AFG1L: variants seen among roughly 807,000 people sequenced by gnomAD.
AFG1L encodes AFG1-like ATPase.
In AFG1L, 53 loss-of-function variants were observed where a neutral mutation model predicts 62.2. The observed-to-expected ratio is 0.85, with a 90% CI of 0.68 to 1.07. The LOEUF is 1.07. Ranked by LOEUF, AFG1L falls within the 50% of genes least tolerant of loss-of-function variation. AFG1L has a pLI of 0.00. For synonymous variants in AFG1L, 228 were observed against 210.3 expected (o/e 1.08, Z -0.73); for missense variants, 555 against 590.5 (o/e 0.94, Z 0.62).
At position 108,402,056 on chromosome 6, in the gene AFG1L, TA is replaced by T; in HGVS notation, c.807+7del. On this transcript the variant is annotated splice_donor_region_variant and intron_variant, in intron 7 of 12. Transcript: ENST00000368977. ...GTACCATTCATAGCAGTCTTGAAGG[TA>T]AAAACAAATCATTTATTTGTGTTTA... 1 of 1,456,178 alleles carries T rather than the reference TA, an allele frequency of 6.9e-7. No homozygotes were observed. The highest frequency in any genetic ancestry group is 9.3e-7 in the Non-Finnish European group (1 of 1,079,792). The allele number at this position is 1,456,178 out of a possible 1,614,324, so 90.2% of individuals were successfully genotyped here.
intron 7 of AFG1L, among the ~76,000 whole-genome samples, chr6:108,418,243 AAATCTGGCC>A (rs1249840985): frequency 2.0e-5 from 3 of 152,218 alleles, no homozygotes; most frequent in African/African-American, 7.2e-5. Flanking sequence ...GCCAGTGGCC[AAATCTGGCC>A]TGCTGCCTGT....
At chr6:108,338,166 A>C (rs1448785877) in intron 2 of AFG1L, among the ~76,000 whole-genome samples, 7 of 152,202 alleles carry the variant, frequency 4.6e-5, no homozygotes, top group African/African-American at 1.7e-4. Context: ...AGCCTGGGTA[A>C]CAGAGCGACA....
At chr6:108,367,474 T>C (rs1181108539) in intron 6 of AFG1L, among the ~76,000 whole-genome samples, 1 of 152,006 alleles carries the variant, frequency 6.6e-6, no homozygotes, top group Non-Finnish European at 1.5e-5. Flanking sequence ...GGATGTACTA[T>C]ATAGGCAGAG....
intron 10 of AFG1L, among the ~76,000 whole-genome samples, chr6:108,487,082 T>A (rs1159428270): frequency 3.3e-5 from 5 of 152,222 alleles, no homozygotes; most frequent in Admixed American, 2.0e-4. Flanking sequence ...CAGTAAGAAG[T>A]TTCTCTCAAA....
intron 7 of AFG1L, 82 bp from the exon 8 acceptor site, chr6:108,447,132 T>A (rs916341895): frequency 3.6e-5 from 21 of 580,460 alleles, no homozygotes; most frequent in East Asian, 1.5e-4. Flanking sequence ...TGAAAAATTT[T>A]AAAAATGTAT....
At chr6:108,412,737 G>A (rs969476965) in intron 7 of AFG1L, among the ~76,000 whole-genome samples, 7 of 152,132 alleles carry the variant, frequency 4.6e-5, no homozygotes, top group Admixed American at 6.5e-5. Context: ...TCACCACCAG[G>A]CCTGCCCTAA....
intron 6 of AFG1L, among the ~76,000 whole-genome samples, chr6:108,389,746 C>T (rs189187294): frequency 8.5e-5 from 13 of 152,286 alleles, no homozygotes; most frequent in East Asian, 5.8e-4. Flanking sequence ...CCGAGAGATC[C>T]GCTGTTAGTG....
chr6:108,316,592 G>A (rs1777610696), intron 1 of AFG1L, among the ~76,000 whole-genome samples: 1 of 144,940 alleles, frequency 6.9e-6, no homozygotes, highest in African/African-American at 2.6e-5. Context: ...GGAGTGCAGT[G>A]GTGCGATCTC....
chr6:108,495,829 G>C (rs1773955022), intron 10 of AFG1L, among the ~76,000 whole-genome samples: 1 of 152,162 alleles, frequency 6.6e-6, no homozygotes, highest in Admixed American at 6.5e-5. Context: ...ACAAACCATC[G>C]AGTAAGTGGA....
intron 10 of AFG1L, among the ~76,000 whole-genome samples, chr6:108,489,120 C>G (rs1353372617): frequency 6.6e-6 from 1 of 152,256 alleles, no homozygotes; most frequent in South Asian, 2.1e-4. Context: ...TAGTTTTTCT[C>G]CTGAGGGCAG....
intron 3 of AFG1L, among the ~76,000 whole-genome samples, chr6:108,353,576 CT>C (rs769451455): frequency 0.022 from 3,078 of 141,396 alleles, 67 homozygotes; most frequent in African/African-American, 0.067. Context: ...TTGTTATTTT[CT>C]TTTTTTTTTT....
At chr6:108,346,643 T>C (rs540567191) in intron 2 of AFG1L, among the ~76,000 whole-genome samples, 2 of 152,276 alleles carry the variant, frequency 1.3e-5, no homozygotes, top group Admixed American at 1.3e-4. Flanking sequence ...GCTCAGATTA[T>C]AGGTGTGAGC....
chr6:108,333,068 A>G (rs1351805997), intron 2 of AFG1L, among the ~76,000 whole-genome samples: 1 of 152,246 alleles, frequency 6.6e-6, no homozygotes, highest in Non-Finnish European at 1.5e-5. Context: ...CCATAGAAAA[A>G]GTGAAAAGGT....
chr6:108,356,626 A>C, intron 4 of AFG1L, 64 bp from the exon 5 acceptor site: 1 of 1,163,094 alleles, frequency 8.6e-7, no homozygotes, highest in South Asian at 2.1e-5. Context: ...GATTTTAAAA[A>C]TATGTTATAA....
intron 1 of AFG1L, among the ~76,000 whole-genome samples, chr6:108,318,939 A>G (rs1777708424): frequency 6.6e-6 from 1 of 152,238 alleles, no homozygotes; most frequent in African/African-American, 2.4e-5. Context: ...TTGTATTTCA[A>G]TTTATACAGC....
intron 2 of AFG1L, among the ~76,000 whole-genome samples, chr6:108,345,845 G>T (rs992792316): frequency 6.6e-6 from 1 of 152,164 alleles, no homozygotes; most frequent in Admixed American, 6.5e-5. Context: ...AAGGTAATCT[G>T]GTAGGGATCT....
chr6:108,517,432 G>A (rs977768781), intron 11 of AFG1L, among the ~76,000 whole-genome samples: 1 of 152,144 alleles, frequency 6.6e-6, no homozygotes, highest in African/African-American at 2.4e-5. Flanking sequence ...AATGGTGCTG[G>A]GAAAACTGGC....
intron 6 of AFG1L, among the ~76,000 whole-genome samples, chr6:108,393,186 C>A (rs938701213): frequency 2.0e-5 from 3 of 151,814 alleles, no homozygotes; most frequent in Non-Finnish European, 4.4e-5. Flanking sequence ...TTAGTAATGA[C>A]AAATGTTGAT....
intron 8 of AFG1L, among the ~76,000 whole-genome samples, chr6:108,466,599 A>C (rs1562178751): frequency 6.6e-6 from 1 of 152,038 alleles, no homozygotes; most frequent in Non-Finnish European, 1.5e-5. Context: ...AGAGGAAAGA[A>C]AGGCCACATG....
Sources: allele counts gnomAD v4.1 joint callset (sites outside exome capture counted in the v4.1 genomes callset), GRCh38; gene constraint gnomAD v4.1.1; transcripts MANE v1.5; gene names NCBI Gene and HGNC (gene_info 2026-07-23, HGNC 2026-07-21).